Variants in HMBOX1 observed in about 807,000 individuals in gnomAD.
HMBOX1 encodes homeobox containing 1, also known as homeobox-containing protein 1.
HMBOX1 carries 14 observed loss-of-function variants against 54.5 expected under a neutral mutation model. The ratio of observed to expected loss-of-function variants is 0.26; its 90% CI spans 0.17 to 0.40. HMBOX1 has a LOEUF of 0.40. HMBOX1 is among the 10% of genes least tolerant of loss of function. The probability of loss-of-function intolerance (pLI) is 1.00; values close to 1 mark genes in which losing one functional copy is unlikely to be tolerated. For synonymous variants in HMBOX1, 160 were observed against 181.0 expected (o/e 0.88, Z 0.93); for missense variants, 332 against 514.4 (o/e 0.65, Z 3.43).
chr8:29,023,915 C>G (rs942411979), intron 6 of HMBOX1, among the ~76,000 whole-genome samples: 2 of 151,870 alleles, frequency 1.3e-5, no homozygotes, highest in African/African-American at 4.8e-5. Context: ...AGAGCCTAGG[C>G]AGAGATATAT....
intron 5 of HMBOX1, among the ~76,000 whole-genome samples, chr8:29,017,662 A>G (rs964488334): frequency 6.6e-6 from 1 of 152,190 alleles, no homozygotes; most frequent in African/African-American, 2.4e-5. Flanking sequence ...TGAGATGGGA[A>G]AGACTGCAGG....
At chr8:28,898,120 C>T (rs923994758) in intron 1 of HMBOX1, among the ~76,000 whole-genome samples, 3 of 152,098 alleles carry the variant, frequency 2.0e-5, no homozygotes, top group Non-Finnish European at 2.9e-5. Flanking sequence ...CGGAAGTCTG[C>T]TTTAAACAGG....
intron 1 of HMBOX1, chr8:28,915,556 C>CA (rs565018135): frequency 0.028 from 3,333 of 118,836 alleles, 152 homozygotes; most frequent in African/African-American, 0.091. Context: ...GACTCTGTCT[C>CA]AAAAAAAAAA....
intron 1 of HMBOX1, among the ~76,000 whole-genome samples, chr8:28,950,831 G>A (rs965501444): frequency 6.6e-6 from 1 of 152,134 alleles, no homozygotes; most frequent in African/African-American, 2.4e-5. Context: ...TATTTTAGAT[G>A]ACATATTTTA....
chr8:28,954,924 G>A (rs1251448709), intron 1 of HMBOX1, among the ~76,000 whole-genome samples: 2 of 151,996 alleles, frequency 1.3e-5, no homozygotes, highest in Non-Finnish European at 2.9e-5. Context: ...GAAAAACTAG[G>A]GTAGAACGAG....
intron 1 of HMBOX1, among the ~76,000 whole-genome samples, chr8:28,915,009 A>C (rs1205071130): frequency 1.3e-5 from 2 of 152,196 alleles, no homozygotes; most frequent in African/African-American, 4.8e-5. Context: ...ACTATAAAGG[A>C]AATTTATTTG....
At chr8:28,929,170 A>AGAGGC in intron 1 of HMBOX1, among the ~76,000 whole-genome samples, 1 of 152,176 alleles carries the variant, frequency 6.6e-6, no homozygotes, top group Admixed American at 6.5e-5. Flanking sequence ...AATAAATCTG[A>AGAGGC]GAGGCGTGGT....
At chr8:29,009,557 TGAATTAGTAATG>T in intron 5 of HMBOX1, 1 of 870,572 alleles carries the variant, frequency 1.1e-6, no homozygotes, top group Non-Finnish European at 1.4e-6. Context: ...AAATCTTGTT[TGAATTAGTAATG>T]TAAATTTAAT....
chr8:28,951,280 A>T (rs1016300116), intron 1 of HMBOX1, among the ~76,000 whole-genome samples: 2 of 152,086 alleles, frequency 1.3e-5, no homozygotes, highest in Non-Finnish European at 1.5e-5. Context: ...CTACAGGCGC[A>T]TGCCACTACG....
intron 4 of HMBOX1, among the ~76,000 whole-genome samples, chr8:29,000,899 T>A (rs953621990): frequency 1.3e-5 from 2 of 152,228 alleles, no homozygotes; most frequent in Admixed American, 1.3e-4. Flanking sequence ...CAGCATTTTT[T>A]AAAATAAATG....
chr8:28,902,277 T>TA (rs992766794), intron 1 of HMBOX1, among the ~76,000 whole-genome samples: 18 of 152,150 alleles, frequency 1.2e-4, no homozygotes, highest in African/African-American at 3.9e-4. Context: ...GTCAAGAACT[T>TA]AGACACAGCA....
At chr8:29,013,719 T>C (rs1834546688) in intron 5 of HMBOX1, among the ~76,000 whole-genome samples, 1 of 152,148 alleles carries the variant, frequency 6.6e-6, no homozygotes, top group Admixed American at 6.5e-5. Flanking sequence ...TATAAGAAAA[T>C]ACCTATTTTT....
intron 7 of HMBOX1, 72 bp from the exon 8 acceptor site, chr8:29,047,286 T>C (rs534491705): frequency 6.9e-6 from 6 of 865,652 alleles, no homozygotes; most frequent in South Asian, 1.4e-5. Context: ...AATAAAAATA[T>C]TAGCCCTTAA....
At chr8:28,950,269 T>C (rs1823179190) in intron 1 of HMBOX1, among the ~76,000 whole-genome samples, 1 of 152,196 alleles carries the variant, frequency 6.6e-6, no homozygotes, top group Admixed American at 6.5e-5. Context: ...ACCTCTAGTT[T>C]AGATTCAGTA....
chr8:29,026,179 C>G lies in HMBOX1; in HGVS notation c.851+7266C>G, dbSNP rs545381746. ...TCATTCATATATATGTGCATTTTCT[C>G]CTTCTCTGACCTCATTCCACTGTGT... is the stretch of plus-strand genomic sequence containing the variant. On this transcript the variant is annotated intron_variant, in intron 6 of 9. Transcript: ENST00000287701. Among the ~76,000 whole-genome samples, 4 of 152,218 alleles carry G rather than the reference C, an allele frequency of 2.6e-5. No homozygotes were observed. In the South Asian group the frequency reaches 8.3e-4, roughly 32 times the overall value.
In HMBOX1 at chr8:28,966,682, C is replaced by T. The variant is rs187118594; in HGVS notation, c.23+2792C>T. Among the ~76,000 whole-genome samples the T allele has an allele frequency of 1.1e-4, 17 of 152,194 alleles. No homozygotes were observed. In the East Asian group the frequency reaches 3.1e-3, roughly 28 times the overall value. ...ACATTGGAACATTATTCTCAATATC[C>T]AGGAGAGCTTCTAGACTCAGCGTTT... is the stretch of plus-strand genomic sequence containing the variant. On this transcript the variant is annotated intron_variant, in intron 2 of 9. Transcript: ENST00000287701.
chr8:29,036,944 G>A (rs1356352881), intron 6 of HMBOX1, among the ~76,000 whole-genome samples: 2 of 152,196 alleles, frequency 1.3e-5, no homozygotes, highest in Non-Finnish European at 2.9e-5. Flanking sequence ...CAGGTGTAAT[G>A]AGCTGTGTTA....
intron 1 of HMBOX1, among the ~76,000 whole-genome samples, chr8:28,942,724 G>C (rs993599379): frequency 2.0e-5 from 3 of 151,656 alleles, no homozygotes; most frequent in Non-Finnish European, 4.4e-5. Flanking sequence ...TAGTTGCATT[G>C]TATGGCTATA....
chr8:28,985,813 A>C (rs1042450059), intron 4 of HMBOX1, among the ~76,000 whole-genome samples: 5 of 152,298 alleles, frequency 3.3e-5, no homozygotes, highest in South Asian at 4.1e-4. Flanking sequence ...AAACAACAAC[A>C]ACCACTTCAT....
Sources: allele counts gnomAD v4.1 joint callset (sites outside exome capture counted in the v4.1 genomes callset), GRCh38; gene constraint gnomAD v4.1.1; transcripts MANE v1.5; gene names NCBI Gene and HGNC (gene_info 2026-07-23, HGNC 2026-07-21).